SNTG1: variants seen among roughly 807,000 people sequenced by gnomAD.
SNTG1 encodes the protein syntrophin gamma 1, also known as gamma-1-syntrophin.
In SNTG1, 39 loss-of-function variants were observed where a neutral mutation model predicts 74.7. That is an observed-to-expected ratio of 0.52 (90% CI 0.40 to 0.68). SNTG1 has a LOEUF of 0.68. Among genes scored for constraint, SNTG1 ranks in the 30% least tolerant of loss-of-function variants. The pLI is 0.00. For missense variants in SNTG1, 685 were observed against 609.5 expected (o/e 1.12, Z -1.30); for synonymous variants, 254 against 217.1 (o/e 1.17, Z -1.49).
chr8:50,475,228 A>G (rs1335782760), intron 8 of SNTG1, among the ~76,000 whole-genome samples: 3 of 149,812 alleles, frequency 2.0e-5, no homozygotes, highest in Non-Finnish European at 4.4e-5. Context: ...AAAGTATAAT[A>G]ATAATAATAA....
At chr8:50,225,593 C>T (rs907196328) in intron 2 of SNTG1, among the ~76,000 whole-genome samples, 2 of 152,126 alleles carry the variant, frequency 1.3e-5, no homozygotes, top group Non-Finnish European at 2.9e-5. Context: ...GGCACATGTT[C>T]ACAGGATCTC....
At chr8:50,015,663 G>A (rs1006103139) in intron 1 of SNTG1, among the ~76,000 whole-genome samples, 1 of 152,018 alleles carries the variant, frequency 6.6e-6, no homozygotes, top group African/African-American at 2.4e-5. Context: ...GGTTTCAGAT[G>A]GTGAATTTTA....
intron 11 of SNTG1, 121 bp downstream of exon 11, chr8:50,536,929 G>A: frequency 8.1e-7 from 1 of 1,227,356 alleles, no homozygotes; most frequent in Non-Finnish European, 1.1e-6. Flanking sequence ...GTAGAAAGAA[G>A]AGCTTCAAAA....
In SNTG1 at chr8:49,985,613, A is replaced by C. The variant is rs956872013; in HGVS notation, c.-103+73382A>C. Among the ~76,000 whole-genome samples the C allele has an allele frequency of 2.6e-5, 4 of 152,334 alleles. No individual in the cohort carries two copies. In the South Asian group the frequency reaches 8.3e-4, roughly 32 times the overall value. On this transcript the variant is annotated intron_variant, in intron 1 of 18. Coordinates refer to ENST00000642720, the MANE Select transcript of SNTG1 (RefSeq NM_018967.5). ...AGGGGTTAATGACTAAAAATAGTTC[A>C]TATAAATTATATTACATAAAATAAA...
intron 13 of SNTG1, among the ~76,000 whole-genome samples, chr8:50,650,109 A>G (rs561097041): frequency 1.6e-3 from 237 of 151,214 alleles, no homozygotes; most frequent in African/African-American, 5.6e-3. Context: ...CATTAAATAC[A>G]TTTTTAAAAA....
chr8:50,135,396 C>A (rs2081440466), intron 1 of SNTG1, among the ~76,000 whole-genome samples: 1 of 151,990 alleles, frequency 6.6e-6, no homozygotes, highest in Non-Finnish European at 1.5e-5. Flanking sequence ...TTCTTTCATA[C>A]TTAGGTTTAT....
At chr8:50,398,533 A>G (rs1438109506) in intron 3 of SNTG1, among the ~76,000 whole-genome samples, 1 of 152,086 alleles carries the variant, frequency 6.6e-6, no homozygotes, top group Non-Finnish European at 1.5e-5. Flanking sequence ...CATATTTCCT[A>G]TCCTCCATAA....
intron 18 of SNTG1, among the ~76,000 whole-genome samples, chr8:50,752,456 CTATATTTACATAAATTTA>C (rs2095569941): frequency 6.6e-6 from 1 of 151,810 alleles, no homozygotes; most frequent in Non-Finnish European, 1.5e-5. Context: ...AAAAATCTGA[CTATATTTACATAAATTTA>C]TATATTTACA....
chr8:50,110,046 T>C (rs1451689772), intron 1 of SNTG1, among the ~76,000 whole-genome samples: 1 of 152,182 alleles, frequency 6.6e-6, no homozygotes, highest in East Asian at 1.9e-4. Flanking sequence ...GAATTGGATA[T>C]GAATTCTATC....
intron 13 of SNTG1, among the ~76,000 whole-genome samples, chr8:50,608,049 A>G (rs1263007263): frequency 1.3e-5 from 2 of 151,492 alleles, no homozygotes; most frequent in South Asian, 2.1e-4. Flanking sequence ...TTCTAATTTA[A>G]TTATGTTTTT....
At chr8:50,389,605 G>A (rs1411039435) in intron 2 of SNTG1, among the ~76,000 whole-genome samples, 2 of 152,106 alleles carry the variant, frequency 1.3e-5, no homozygotes, top group Admixed American at 6.5e-5. Flanking sequence ...ACCCAGTAAT[G>A]GGATGGCTGG....
chr8:49,953,186 G>A (rs552880671), intron 1 of SNTG1, among the ~76,000 whole-genome samples: 2 of 152,186 alleles, frequency 1.3e-5, no homozygotes, highest in Non-Finnish European at 1.5e-5. Context: ...GAAGAACAAA[G>A]TAAGGAGAAA....
intron 13 of SNTG1, among the ~76,000 whole-genome samples, chr8:50,595,342 G>A (rs1459645362): frequency 6.6e-6 from 1 of 151,720 alleles, no homozygotes; most frequent in Non-Finnish European, 1.5e-5. Context: ...ATTAACTCTT[G>A]GAAAATCAAC....
At chr8:49,925,444 A>ATCTG (rs113098707) in intron 1 of SNTG1, among the ~76,000 whole-genome samples, 17,895 of 151,716 alleles carry the variant, frequency 0.12, 1,261 homozygotes, top group South Asian at 0.24. Flanking sequence ...GTGTGTGTGT[A>ATCTG]TCTGTCTGTC....
intron 13 of SNTG1, among the ~76,000 whole-genome samples, chr8:50,608,611 C>T (rs2094829555): frequency 1.3e-5 from 2 of 151,730 alleles, no homozygotes; most frequent in African/African-American, 2.4e-5. Flanking sequence ...CACATTTGTT[C>T]CAGTCAGAAT....
chr8:49,942,859 C>T (rs1222839206), intron 1 of SNTG1, among the ~76,000 whole-genome samples: 1 of 152,170 alleles, frequency 6.6e-6, no homozygotes, highest in Non-Finnish European at 1.5e-5. Context: ...TCCGGTTTCT[C>T]CTCTGTAAAG....
chr8:50,462,968 C>T (rs914053214), intron 8 of SNTG1, among the ~76,000 whole-genome samples: 1 of 151,886 alleles, frequency 6.6e-6, no homozygotes, highest in African/African-American at 2.4e-5. Flanking sequence ...AGGTGTGCAC[C>T]ACCACACCCA....
chr8:50,410,154 T>C (rs1413447538), intron 4 of SNTG1, among the ~76,000 whole-genome samples: 1 of 152,214 alleles, frequency 6.6e-6, no homozygotes, highest in Non-Finnish European at 1.5e-5. Context: ...ATGTGGCTTT[T>C]TGAGGTTCAT....
At chr8:50,064,951 C>T (rs373647520) in intron 1 of SNTG1, among the ~76,000 whole-genome samples, 25 of 152,092 alleles carry the variant, frequency 1.6e-4, no homozygotes, top group East Asian at 7.7e-4. Context: ...CTCTCACTGG[C>T]ATGTTAAAAT....
Sources: gnomAD v4.1 joint callset for allele counts (sites outside exome capture counted in the v4.1 genomes callset) on GRCh38, gnomAD v4.1.1 for gene constraint, MANE v1.5 for transcripts, NCBI Gene and HGNC (gene_info 2026-07-23, HGNC 2026-07-21) for gene names.